Variants in RBFOX1 observed in about 807,000 individuals in gnomAD.
RBFOX1 encodes RNA binding protein fox-1 homolog 1.
In RBFOX1, 8 loss-of-function variants were observed where a neutral mutation model predicts 57.7. The observed-to-expected ratio is 0.14, with a 90% CI of 0.08 to 0.25. The LOEUF (loss-of-function observed/expected upper bound fraction) is 0.25. Among genes scored for constraint, RBFOX1 ranks in the 10% least tolerant of loss-of-function variants. The pLI, the probability that RBFOX1 is intolerant of heterozygous loss-of-function variation, is 1.00. For missense variants in RBFOX1, 611 were observed against 548.5 expected (o/e 1.11, Z -1.14); for synonymous variants, 326 against 222.4 (o/e 1.47, Z -4.15).
At chr16:5,821,335 A>C in intron 3 of RBFOX1, among the ~76,000 whole-genome samples, 1 of 130,716 alleles carries the variant, frequency 7.7e-6, no homozygotes, top group Admixed American at 9.2e-5. Flanking sequence ...TTGCTGTGTC[A>C]CCCAGGCTGG....
Position 6,461,831 on chromosome 16 carries a change from T to C in RBFOX1, c.-64+144774T>C, listed in dbSNP as rs199894849. Among the ~76,000 whole-genome samples the C allele has an allele frequency of 2.6e-4, 39 of 152,312 alleles. 1 individual carries two copies. In the East Asian group the frequency reaches 6.0e-3, roughly 23 times the overall value. The stretch of plus-strand genomic sequence containing the variant: ...TAATATCATCCAATAAAAGGACATA[T>C]GCAATTATATCAGCTTTGTGGTAAT... On this transcript the variant is annotated intron_variant, in intron 2 of 15. Coordinates refer to ENST00000550418, the MANE Select transcript of RBFOX1 (RefSeq NM_018723.4).
intron 4 of RBFOX1, among the ~76,000 whole-genome samples, chr16:7,474,512 C>G (rs964280884): frequency 3.9e-5 from 6 of 152,286 alleles, no homozygotes; most frequent in Admixed American, 1.3e-4. Flanking sequence ...TGGTGAACAG[C>G]CAACTATTTA....
intron 1 of RBFOX1, among the ~76,000 whole-genome samples, chr16:6,155,468 T>G (rs965232011): frequency 3.9e-5 from 6 of 152,154 alleles, no homozygotes; most frequent in African/African-American, 1.4e-4. Context: ...AGGTAGATTT[T>G]CCCCCCGTTC....
intron 4 of RBFOX1, among the ~76,000 whole-genome samples, chr16:5,957,197 A>G (rs1420134058): frequency 6.6e-6 from 1 of 152,060 alleles, no homozygotes; most frequent in African/African-American, 2.4e-5. Flanking sequence ...ACTATGAGAA[A>G]CAATTTATTT....
intron 1 of RBFOX1, among the ~76,000 whole-genome samples, chr16:6,143,982 T>TAC (rs398028637): frequency 6.7e-6 from 1 of 148,670 alleles, no homozygotes; most frequent in East Asian, 2.0e-4. Context: ...TATATATATA[T>TAC]CTCTACCTAC....
chr16:5,660,732 AT>A (rs1274503070), intron 3 of RBFOX1, among the ~76,000 whole-genome samples: 3 of 152,170 alleles, frequency 2.0e-5, no homozygotes, highest in Middle Eastern at 3.2e-3. Context: ...AGATCCATAA[AT>A]TGGGCCATGA....
intron 1 of RBFOX1, among the ~76,000 whole-genome samples, chr16:6,108,010 C>T (rs1221355077): frequency 6.6e-6 from 1 of 151,864 alleles, no homozygotes; most frequent in East Asian, 1.9e-4. Context: ...CACACAGCTA[C>T]CTTTTGCTGT....
chr16:5,393,986 G>T (rs1397176381), intron 1 of RBFOX1, among the ~76,000 whole-genome samples: 1 of 152,046 alleles, frequency 6.6e-6, no homozygotes, highest in East Asian at 1.9e-4. Context: ...GTCTTTTCGT[G>T]TCTGGCTGAT....
intron 4 of RBFOX1, among the ~76,000 whole-genome samples, chr16:7,444,074 A>G (rs530303846): frequency 3.9e-5 from 6 of 152,358 alleles, no homozygotes; most frequent in African/African-American, 1.4e-4. Flanking sequence ...AAGTTAAACA[A>G]GACCACACAT....
chr16:6,403,726 G>A (rs138882892), intron 2 of RBFOX1, among the ~76,000 whole-genome samples: 125 of 152,222 alleles, frequency 8.2e-4, no homozygotes, highest in African/African-American at 2.7e-3. Context: ...AGAGGACACC[G>A]AAGGACTGTG....
At chr16:6,079,581 A>G (rs2095967692) in intron 1 of RBFOX1, among the ~76,000 whole-genome samples, 1 of 151,928 alleles carries the variant, frequency 6.6e-6, no homozygotes, top group Non-Finnish European at 1.5e-5. Context: ...GCCTCCCAAA[A>G]TAAGCTACCA....
At chr16:6,983,838 G>C (rs1349368413) in intron 3 of RBFOX1, 1 of 152,450 alleles carries the variant, frequency 6.6e-6, no homozygotes, top group African/African-American at 2.4e-5. Flanking sequence ...ACATTAGGCT[G>C]GGAGGCCCAT....
At chr16:7,033,185 G>A (rs1191487993) in intron 3 of RBFOX1, among the ~76,000 whole-genome samples, 1 of 152,038 alleles carries the variant, frequency 6.6e-6, no homozygotes, top group Non-Finnish European at 1.5e-5. Context: ...TTGATTTTAG[G>A]GATTATAGGG....
chr16:7,686,287 C>G (rs946443558), intron 14 of RBFOX1, among the ~76,000 whole-genome samples: 1 of 151,930 alleles, frequency 6.6e-6, no homozygotes, highest in Non-Finnish European at 1.5e-5. Flanking sequence ...ATCTTGACTT[C>G]TACCCTAGAA....
chr16:5,964,631 A>T (rs957271371), intron 4 of RBFOX1, among the ~76,000 whole-genome samples: 3 of 152,102 alleles, frequency 2.0e-5, no homozygotes, highest in African/African-American at 7.2e-5. Context: ...TATACCATAT[A>T]CACATATACA....
chr16:5,582,549 T>A (rs1484088174), intron 2 of RBFOX1, among the ~76,000 whole-genome samples: 2 of 16,408 alleles, frequency 1.2e-4, no homozygotes, highest in Admixed American at 1.2e-3. Context: ...GCACGTCACT[T>A]TTTTTTTTTT....
chr16:7,616,102 G>A (rs1436512289), intron 10 of RBFOX1, among the ~76,000 whole-genome samples: 1 of 152,196 alleles, frequency 6.6e-6, no homozygotes, highest in Admixed American at 6.5e-5. Flanking sequence ...ACACAGCTGT[G>A]TTGGGAGTCC....
At chr16:6,731,077 C>A (rs1244372907) in intron 3 of RBFOX1, among the ~76,000 whole-genome samples, 1 of 152,136 alleles carries the variant, frequency 6.6e-6, no homozygotes, top group African/African-American at 2.4e-5. Flanking sequence ...TCAGGAATAT[C>A]CTTTACCTTT....
At position 7,360,177 on chromosome 16, in the gene RBFOX1, C is replaced by G. The variant is rs369027856; in HGVS notation, c.28-157970C>G. On this transcript the variant is annotated intron_variant, in intron 4 of 15. Transcript: ENST00000550418. ...TACTATTTAATACGCTACATGCATTCTGCATGTCACATGCTATATATAGCA... is the reference window on the plus strand; with the variant it reads ...TACTATTTAATACGCTACATGCATTGTGCATGTCACATGCTATATATAGCA... Among the ~76,000 whole-genome samples, 11 of 152,280 alleles carry G rather than the reference C, an allele frequency of 7.2e-5. No individual in the cohort carries two copies. The South Asian group carries it at 1.0e-3, about 14-fold the overall frequency.
Sources: gnomAD v4.1 joint callset for allele counts (sites outside exome capture counted in the v4.1 genomes callset) on GRCh38, gnomAD v4.1.1 for gene constraint, MANE v1.5 for transcripts, NCBI Gene and HGNC (gene_info 2026-07-23, HGNC 2026-07-21) for gene names.